Variants in KCNIP4 observed in about 807,000 individuals in gnomAD.
The protein encoded by KCNIP4 is Kv channel-interacting protein 4.
Under a neutral mutation model 34.0 loss-of-function variants are expected in KCNIP4, and 12 were observed. That is an observed-to-expected ratio of 0.35 (90% CI 0.23 to 0.57). The LOEUF is 0.57. KCNIP4 is among the 20% of genes least tolerant of loss of function. The pLI, the probability that KCNIP4 is intolerant of heterozygous loss-of-function variation, is 0.83. For synonymous variants in KCNIP4, 124 were observed against 102.2 expected (o/e 1.21, Z -1.29); for missense variants, 238 against 311.7 (o/e 0.76, Z 1.78).
intron 1 of KCNIP4, among the ~76,000 whole-genome samples, chr4:20,943,147 A>G (rs1731821645): frequency 6.6e-6 from 1 of 152,110 alleles, no homozygotes; most frequent in Non-Finnish European, 1.5e-5. Flanking sequence ...ACCTATAATT[A>G]TTTATGTTGA....
At chr4:21,372,380 A>AGATC (rs1009204420) in intron 1 of KCNIP4, among the ~76,000 whole-genome samples, 1 of 146,744 alleles carries the variant, frequency 6.8e-6, no homozygotes, top group African/African-American at 2.7e-5. Context: ...ATAGATAGAT[A>AGATC]GATAGATAGA....
intron 1 of KCNIP4, among the ~76,000 whole-genome samples, chr4:21,348,043 A>G (rs1349621652): frequency 6.6e-6 from 1 of 152,116 alleles, no homozygotes; most frequent in Non-Finnish European, 1.5e-5. Context: ...GACATGGGAG[A>G]AAATGCTTTC....
chr4:20,729,120 T>TCCCTGAATGGCTTGTAATATAAATAA lies in KCNIP4; in HGVS notation c.*936_*961dup, dbSNP rs1469618481. The TCCCTGAATGGCTTGTAATATAAATAA allele has an allele frequency of 5.9e-5, 9 of 152,000 alleles. No individual in the cohort carries two copies. Among genetic ancestry groups the TCCCTGAATGGCTTGTAATATAAATAA allele is most frequent in the African/African-American group, 2.2e-4 (9 of 41,482 alleles). The allele number at this position is 152,000 out of a possible 1,614,324, so 9.4% of individuals were successfully genotyped here. On this transcript the variant is annotated 3_prime_UTR_variant, in exon 9 of 9. Transcript: ENST00000382152. Reference sequence around the variant, plus strand: ...GGGGTAGTCAAGGTTTCTTTCTTTGTCCCTGAATGGCTTGTAATATAAATA... The same window carrying TCCCTGAATGGCTTGTAATATAAATAA: ...GGGGTAGTCAAGGTTTCTTTCTTTGTCCCTGAATGGCTTGTAATATAAATAACCCTGAATGGCTTGTAATATAAATA...
chr4:21,428,081 G>C, intron 1 of KCNIP4, among the ~76,000 whole-genome samples: 1 of 152,182 alleles, frequency 6.6e-6, no homozygotes, highest in South Asian at 2.1e-4. Flanking sequence ...TGCTTGAGCA[G>C]TGACAAATAC....
chr4:21,589,675 C>T (rs991070908), intron 1 of KCNIP4, among the ~76,000 whole-genome samples: 1 of 151,844 alleles, frequency 6.6e-6, no homozygotes. Flanking sequence ...TCCTTTAATT[C>T]TCTCTTATAG....
chr4:21,695,379 A>T (rs974181004), intron 1 of KCNIP4, among the ~76,000 whole-genome samples: 7 of 151,978 alleles, frequency 4.6e-5, no homozygotes, highest in African/African-American at 1.7e-4. Flanking sequence ...TTACTACTTT[A>T]TGATAATCTG....
intron 1 of KCNIP4, among the ~76,000 whole-genome samples, chr4:21,679,189 C>T (rs1013192694): frequency 6.6e-6 from 1 of 152,252 alleles, no homozygotes; most frequent in East Asian, 1.9e-4. Flanking sequence ...ATAGTGATGG[C>T]CCCGTTAAAC....
At chr4:20,834,629 G>C (rs1427109174) in intron 3 of KCNIP4, among the ~76,000 whole-genome samples, 1 of 152,100 alleles carries the variant, frequency 6.6e-6, no homozygotes, top group Non-Finnish European at 1.5e-5. Flanking sequence ...TAAAGTAAAT[G>C]TACATAAAGA....
chr4:21,151,108 C>T lies in KCNIP4; in HGVS notation c.62-268399G>A, dbSNP rs1160725579. ...GTAAACTTAAAATTAATAATGTTTG[C>T]CAAAGGAAATACCTGTGTTAGAAGA... On this transcript the variant is annotated intron_variant, in intron 1 of 8. Coordinates refer to ENST00000382152, the MANE Select transcript of KCNIP4 (RefSeq NM_025221.6). Among the ~76,000 whole-genome samples, 3 of 152,154 alleles carry T rather than the reference C, an allele frequency of 2.0e-5. No individual in the cohort carries two copies. In the East Asian group the frequency reaches 5.8e-4, roughly 29 times the overall value.
intron 1 of KCNIP4, among the ~76,000 whole-genome samples, chr4:21,695,784 C>A (rs1337775886): frequency 6.6e-6 from 1 of 152,088 alleles, no homozygotes; most frequent in Non-Finnish European, 1.5e-5. Flanking sequence ...GACAGACAAC[C>A]ATGGAAACCT....
At chr4:21,852,519 A>C (rs1299936346) in intron 1 of KCNIP4, 1 of 152,188 alleles carries the variant, frequency 6.6e-6, no homozygotes, top group East Asian at 1.9e-4. Context: ...CAACCTGAGA[A>C]ACTCTATTTG....
At chr4:21,789,565 G>A (rs1005347448) in intron 1 of KCNIP4, among the ~76,000 whole-genome samples, 1 of 152,208 alleles carries the variant, frequency 6.6e-6, no homozygotes, top group African/African-American at 2.4e-5. Context: ...CAGCAACTGG[G>A]TCACAGAGGG....
chr4:21,366,942 G>A (rs1719838308), intron 1 of KCNIP4, among the ~76,000 whole-genome samples: 1 of 152,140 alleles, frequency 6.6e-6, no homozygotes, highest in Non-Finnish European at 1.5e-5. Context: ...ATTAAGAGCT[G>A]AGGCATTTAG....
At chr4:21,730,464 C>T (rs62302885) in intron 1 of KCNIP4, among the ~76,000 whole-genome samples, 19 of 152,158 alleles carry the variant, frequency 1.2e-4, no homozygotes, top group East Asian at 3.9e-4. Context: ...AGCAGGTAAG[C>T]GAGCTGCTTA....
At chr4:21,899,300 C>G (rs962830212) in intron 1 of KCNIP4, among the ~76,000 whole-genome samples, 2 of 151,890 alleles carry the variant, frequency 1.3e-5, no homozygotes, top group African/African-American at 4.8e-5. Context: ...ACATAAAAGC[C>G]AAATAAAGAA....
chr4:21,539,141 G>GT, intron 1 of KCNIP4, among the ~76,000 whole-genome samples: 1 of 152,158 alleles, frequency 6.6e-6, no homozygotes, highest in East Asian at 1.9e-4. Flanking sequence ...ATGCAGAACT[G>GT]TGAGTCAATT....
In KCNIP4 at chr4:21,907,025, T is replaced by A. The variant is rs528306588; in HGVS notation, c.61+41546A>T. ...CACAATTCCTTTATTTACTCTCCTA[T>A]GGATGGACACTAAAGTATTTCTCAT... On this transcript the variant is annotated intron_variant, in intron 1 of 8. Coordinates refer to ENST00000382152, the MANE Select transcript of KCNIP4 (RefSeq NM_025221.6). 2.0e-5 allele frequency among the ~76,000 whole-genome samples: 3 copies of A among 152,340 alleles called. No homozygotes were observed. In the East Asian group the frequency reaches 5.8e-4, roughly 29 times the overall value.
rs989751135 is a variant in KCNIP4, at chr4:21,743,561, G to C, written c.61+205010C>G. Reference sequence around the variant, plus strand: ...CATAGGATCCAGGAATTAGGACATGGGCATTTTTGTAAGTAGATTATTTTA... The same window carrying C: ...CATAGGATCCAGGAATTAGGACATGCGCATTTTTGTAAGTAGATTATTTTA... On this transcript the variant is annotated intron_variant, in intron 1 of 8. Transcript: ENST00000382152. 2.6e-5 allele frequency among the ~76,000 whole-genome samples: 4 copies of C among 151,448 alleles called. No individual in the cohort carries two copies. The South Asian group carries it at 8.4e-4, about 32-fold the overall frequency.
chr4:21,611,640 T>G (rs1744165626), intron 1 of KCNIP4, among the ~76,000 whole-genome samples: 1 of 102,418 alleles, frequency 9.8e-6, no homozygotes, highest in African/African-American at 3.4e-5. Flanking sequence ...GGTTTTTTTG[T>G]TTGTTTGTTT....
Sources: allele counts gnomAD v4.1 joint callset (sites outside exome capture counted in the v4.1 genomes callset), GRCh38; gene constraint gnomAD v4.1.1; transcripts MANE v1.5; gene names NCBI Gene and HGNC (gene_info 2026-07-23, HGNC 2026-07-21).